Variants in FSTL4 observed in about 807,000 individuals in gnomAD.
FSTL4 encodes follistatin like 4.
In FSTL4, 28 loss-of-function variants were observed where a neutral mutation model predicts 78.2. The observed-to-expected ratio is 0.36, with a 90% CI of 0.27 to 0.49. The LOEUF (loss-of-function observed/expected upper bound fraction) is 0.49. FSTL4 is among the 20% of genes least tolerant of loss of function. FSTL4 has a pLI of 0.98. For missense variants in FSTL4, 922 were observed against 1,084.9 expected (o/e 0.85, Z 2.11); for synonymous variants, 422 against 440.5 (o/e 0.96, Z 0.53).
intron 4 of FSTL4, among the ~76,000 whole-genome samples, chr5:133,390,557 A>G (rs139778027): frequency 1.7e-3 from 262 of 152,350 alleles, no homozygotes; most frequent in Middle Eastern, 6.8e-3. Flanking sequence ...AGGATGCTGT[A>G]CAGGGCTGGG....
intron 3 of FSTL4, among the ~76,000 whole-genome samples, chr5:133,535,094 C>T (rs1453381505): frequency 6.6e-6 from 1 of 152,190 alleles, no homozygotes; most frequent in Non-Finnish European, 1.5e-5. Flanking sequence ...TAAGAAGAGG[C>T]ACAGAGAACT....
At chr5:133,219,270 A>T (rs1315264125) in intron 12 of FSTL4, among the ~76,000 whole-genome samples, 1 of 151,768 alleles carries the variant, frequency 6.6e-6, no homozygotes, top group East Asian at 1.9e-4. Context: ...CTCTCATGCC[A>T]CCCCCCATTC....
the FSTL4 span, among the ~76,000 whole-genome samples, chr5:133,707,992 T>C: frequency 1.3e-5 from 2 of 151,868 alleles, no homozygotes; most frequent in East Asian, 1.9e-4. Context: ...ATGGATTCCT[T>C]GAAAGCTGAG....
intron 4 of FSTL4, among the ~76,000 whole-genome samples, chr5:133,336,081 C>A (rs1012998499): frequency 1.3e-5 from 2 of 152,170 alleles, no homozygotes; most frequent in African/African-American, 2.4e-5. Flanking sequence ...AACTCTAGAT[C>A]CCAGATTGAA....
At chr5:133,517,371 C>T (rs377043324) in intron 3 of FSTL4, among the ~76,000 whole-genome samples, 11 of 133,584 alleles carry the variant, frequency 8.2e-5, no homozygotes, top group Middle Eastern at 4.5e-3. Context: ...TGCATTAAGC[C>T]GAGATCATAC....
At chr5:133,773,288 T>C in the FSTL4 span, among the ~76,000 whole-genome samples, 1 of 150,704 alleles carries the variant, frequency 6.6e-6, no homozygotes. Context: ...GAAAGAGCAA[T>C]GACCCTGCTC....
the FSTL4 span, among the ~76,000 whole-genome samples, chr5:133,786,612 C>G: frequency 6.6e-6 from 1 of 152,138 alleles, no homozygotes. Flanking sequence ...GGAAACACAC[C>G]CAGGGGAGAG....
At chr5:133,771,811 G>A in the FSTL4 span, among the ~76,000 whole-genome samples, 1 of 152,130 alleles carries the variant, frequency 6.6e-6, no homozygotes, top group Non-Finnish European at 1.5e-5. Flanking sequence ...TACATCAAGA[G>A]AGCAATAGCA....
chr5:133,824,544 A>T, the FSTL4 span, among the ~76,000 whole-genome samples: 1 of 152,204 alleles, frequency 6.6e-6, no homozygotes, highest in Non-Finnish European at 1.5e-5. Flanking sequence ...TATATTTCAC[A>T]GTATCAGAGT....
At chr5:133,304,141 T>C (rs769909156) in intron 6 of FSTL4, among the ~76,000 whole-genome samples, 3 of 152,244 alleles carry the variant, frequency 2.0e-5, no homozygotes, top group East Asian at 1.9e-4. Context: ...TAATTGCACA[T>C]TGAAGTCCTC....
intron 3 of FSTL4, among the ~76,000 whole-genome samples, chr5:133,482,887 G>A (rs759823748): frequency 1.2e-4 from 18 of 152,238 alleles, no homozygotes; most frequent in South Asian, 1.0e-3. Context: ...GACTACCCTG[G>A]GCCAAAGAGC....
Position 133,446,832 on chromosome 5 carries a change from C to T in FSTL4, c.161-45846G>A, listed in dbSNP as rs943047260. Among the ~76,000 whole-genome samples the T allele has an allele frequency of 6.2e-4, 94 of 152,206 alleles. 2 individuals carry two copies. Among genetic ancestry groups the T allele is most frequent in the Admixed American group, 6.5e-5 (1 of 15,286 alleles). On this transcript the variant is annotated intron_variant, in intron 3 of 15. Transcript: ENST00000265342. ...TCCCCGGTCCTCCCCAGCTCTGTGG[C>T]TCCACTCATCCTGTCCCCTCTGTGG...
Position 133,511,791 on chromosome 5 carries a change from G to T in FSTL4, c.160+55395C>A, listed in dbSNP as rs555091295. On this transcript the variant is annotated intron_variant, in intron 3 of 15. Coordinates refer to ENST00000265342, the MANE Select transcript of FSTL4 (RefSeq NM_015082.2). ...GCCAGGAGTATTCAGAGGCTGAGAG[G>T]CAGAGGAAAGAGACAGGGCAGCAGG... Among the ~76,000 whole-genome samples, 275 of 152,264 alleles carry T rather than the reference G, an allele frequency of 1.8e-3. 1 individual carries two copies. The highest frequency in any genetic ancestry group is 6.3e-3 in the African/African-American group (262 of 41,542).
intron 3 of FSTL4, among the ~76,000 whole-genome samples, chr5:133,479,117 T>G (rs553633503): frequency 1.3e-5 from 2 of 152,336 alleles, no homozygotes; most frequent in East Asian, 3.9e-4. Flanking sequence ...CACATTATCT[T>G]ATTTGATTTC....
At chr5:133,527,689 C>T (rs1277051557) in intron 3 of FSTL4, among the ~76,000 whole-genome samples, 1 of 152,220 alleles carries the variant, frequency 6.6e-6, no homozygotes, top group East Asian at 1.9e-4. Flanking sequence ...TTCTCCCCTT[C>T]TCTCCATTGC....
the FSTL4 span, among the ~76,000 whole-genome samples, chr5:133,790,766 A>T: frequency 6.6e-6 from 1 of 152,170 alleles, no homozygotes; most frequent in Non-Finnish European, 1.5e-5. Context: ...GCTGTCTCTC[A>T]CATCCCACAT....
At chr5:133,822,631 A>C in the FSTL4 span, among the ~76,000 whole-genome samples, 1 of 152,162 alleles carries the variant, frequency 6.6e-6, no homozygotes, top group Admixed American at 6.5e-5. Flanking sequence ...AAGGATGTGA[A>C]CATTCCGGGG....
intron 6 of FSTL4, among the ~76,000 whole-genome samples, chr5:133,260,329 T>A (rs1367056475): frequency 6.6e-6 from 1 of 152,218 alleles, no homozygotes; most frequent in Non-Finnish European, 1.5e-5. Context: ...TAAATATAAC[T>A]TGTTTTCTGT....
At position 133,481,048 on chromosome 5, in the gene FSTL4, G is replaced by A. The variant is rs375401867; in HGVS notation, c.161-80062C>T. 3.3e-4 allele frequency among the ~76,000 whole-genome samples: 50 copies of A among 152,296 alleles called. No individual in the cohort carries two copies. In the East Asian group the frequency reaches 8.1e-3, roughly 25 times the overall value. On this transcript the variant is annotated intron_variant, in intron 3 of 15. Coordinates refer to ENST00000265342, the MANE Select transcript of FSTL4 (RefSeq NM_015082.2). ...AGTGGAACCCAGGCTGGAAGGGACC[G>A]TGGCTGTTGGCCTAATAAGCCCTAA...
Sources: gnomAD v4.1 joint callset for allele counts (sites outside exome capture counted in the v4.1 genomes callset) on GRCh38, gnomAD v4.1.1 for gene constraint, MANE v1.5 for transcripts, NCBI Gene and HGNC (gene_info 2026-07-23, HGNC 2026-07-21) for gene names.